SATB2: variants seen among roughly 807,000 people sequenced by gnomAD.
SATB2 encodes the protein SATB homeobox 2, also known as DNA-binding protein SATB2.
Under a neutral mutation model 73.4 loss-of-function variants are expected in SATB2, and 1 was observed. The ratio of observed to expected loss-of-function variants is 0.01; its 90% confidence interval spans 0.00 to 0.06. SATB2 has a LOEUF of 0.06. Ranked by LOEUF, SATB2 falls within the 10% of genes least tolerant of loss-of-function variation. SATB2 has a pLI of 1.00. For missense variants in SATB2, 459 were observed against 945.8 expected (o/e 0.49, Z 6.75); for synonymous variants, 397 against 367.0 (o/e 1.08, Z -0.93).
intron 3 of SATB2, among the ~76,000 whole-genome samples, chr2:199,405,118 T>C (rs916823710): frequency 5.3e-5 from 8 of 152,186 alleles, no homozygotes; most frequent in African/African-American, 1.9e-4. Context: ...ACTATATTCC[T>C]TTACCAGTAC....
intron 3 of SATB2, among the ~76,000 whole-genome samples, chr2:199,409,719 T>C (rs1243227126): frequency 6.6e-6 from 1 of 152,018 alleles, no homozygotes; most frequent in Non-Finnish European, 1.5e-5. Context: ...TTACAACAAA[T>C]GCCAAGTCTT....
At chr2:199,459,026 G>C (rs563380018), upstream of SATB2, among the ~76,000 whole-genome samples, 364 of 152,194 alleles carry the variant, frequency 2.4e-3, no homozygotes, top group Non-Finnish European at 3.1e-3. This position sits in a 1 kb window ranked among gnomAD's most constrained non-coding sequence, Gnocchi z 4.2. Flanking sequence ...GCAGAGCGGG[G>C]TGCATCCCTG....
chr2:199,383,591 G>C (rs544683133), intron 3 of SATB2, among the ~76,000 whole-genome samples: 1 of 152,148 alleles, frequency 6.6e-6, no homozygotes, highest in Non-Finnish European at 1.5e-5. Context: ...GACAGAATGG[G>C]GGGGAATGAA....
intron 6 of SATB2, among the ~76,000 whole-genome samples, chr2:199,356,225 C>CAAAAAAAAAAAAAAAAA (rs200509001): frequency 1.1e-4 from 11 of 100,968 alleles, no homozygotes; most frequent in South Asian, 4.1e-4. Flanking sequence ...GAACATAAGC[C>CAAAAAAAAAAAAAAAAA]AAAAAAAAAA....
intron 10 of SATB2, among the ~76,000 whole-genome samples, chr2:199,280,699 G>A (rs527404631): frequency 3.3e-5 from 5 of 152,148 alleles, no homozygotes; most frequent in South Asian, 4.2e-4. Flanking sequence ...GGAAATTCCC[G>A]CCTAATAAAT....
chr2:199,327,186 T>C (rs1688052752), intron 8 of SATB2, among the ~76,000 whole-genome samples: 1 of 152,194 alleles, frequency 6.6e-6, no homozygotes, highest in African/African-American at 2.4e-5. Context: ...ATGCCTGTAA[T>C]CCCAGCACTT....
intron 3 of SATB2, among the ~76,000 whole-genome samples, chr2:199,386,794 G>A (rs1689977429): frequency 6.7e-6 from 1 of 149,812 alleles, no homozygotes; most frequent in African/African-American, 2.5e-5. Flanking sequence ...GAACATAGTA[G>A]ATGCTAAATG....
At chr2:199,382,475 C>T (rs1029300930) in intron 3 of SATB2, among the ~76,000 whole-genome samples, 2 of 152,260 alleles carry the variant, frequency 1.3e-5, no homozygotes, top group South Asian at 2.1e-4. Context: ...GACAATAGTA[C>T]TTTTTCCCTG....
At chr2:199,276,335 C>A (rs1050302203) in intron 10 of SATB2, among the ~76,000 whole-genome samples, 1 of 152,196 alleles carries the variant, frequency 6.6e-6, no homozygotes, top group African/African-American at 2.4e-5. Context: ...TGAACTCTCA[C>A]TTAACTGATA....
intron 3 of SATB2, among the ~76,000 whole-genome samples, chr2:199,397,185 C>T (rs1033819454): frequency 7.2e-5 from 11 of 152,270 alleles, no homozygotes; most frequent in African/African-American, 2.6e-4. Flanking sequence ...AGATACGCTA[C>T]ACAGAAATAT....
At chr2:199,304,227 T>C (rs1328920332) in intron 10 of SATB2, among the ~76,000 whole-genome samples, 1 of 152,204 alleles carries the variant, frequency 6.6e-6, no homozygotes, top group Non-Finnish European at 1.5e-5. Context: ...CAGTGTTTTA[T>C]TCTAAGCTGA....
At position 199,271,236 on chromosome 2, in the gene SATB2, A is replaced by G. The variant is rs1316893610; in HGVS notation, c.*975T>C. ...CTCATACTATGAATTCCATATGTCC[A>G]ATGTCAAAATGTCATTTGATCAAGA... is the stretch of plus-strand genomic sequence containing the variant. On this transcript the variant is annotated 3_prime_UTR_variant, in exon 11 of 11. Transcript: ENST00000417098. The G allele has an allele frequency of 6.5e-6, 1 of 152,822 alleles. No individual in the cohort carries two copies. Among genetic ancestry groups the G allele is most frequent in the African/African-American group, 2.4e-5 (1 of 41,472 alleles). 9.5% of individuals were successfully genotyped at this position (152,822 alleles called of 1,614,324 possible).
chr2:199,369,427 T>C (rs1287656976), intron 5 of SATB2, among the ~76,000 whole-genome samples: 1 of 152,142 alleles, frequency 6.6e-6, no homozygotes, highest in Non-Finnish European at 1.5e-5. Flanking sequence ...GACATAGCAC[T>C]GAAAAGTTAA....
intron 2 of SATB2, among the ~76,000 whole-genome samples, chr2:199,440,995 T>C (rs1338169503): frequency 1.3e-5 from 2 of 152,038 alleles, no homozygotes; most frequent in Non-Finnish European, 1.5e-5. Context: ...ATTATAGGCA[T>C]GTGCCACCGT....
chr2:199,294,906 ACT>A (rs1394611455), intron 10 of SATB2, among the ~76,000 whole-genome samples: 2 of 152,092 alleles, frequency 1.3e-5, no homozygotes. Context: ...AAAAAAATTG[ACT>A]CTTAATTTTT....
intron 3 of SATB2, among the ~76,000 whole-genome samples, chr2:199,413,502 T>C (rs1690882364): frequency 6.6e-6 from 1 of 152,070 alleles, no homozygotes; most frequent in South Asian, 2.1e-4. Flanking sequence ...TGATTTCCCA[T>C]GATAGATTCA....
chr2:199,380,789 T>C (rs1310416599), intron 4 of SATB2, among the ~76,000 whole-genome samples: 2 of 152,238 alleles, frequency 1.3e-5, no homozygotes, highest in African/African-American at 4.8e-5. Flanking sequence ...CATGGCAGTG[T>C]GGTTATAAAC....
At chr2:199,466,192 T>A (rs1172405371), upstream of SATB2, among the ~76,000 whole-genome samples, 4 of 152,174 alleles carry the variant, frequency 2.6e-5, no homozygotes. Context: ...TCGCGCATTC[T>A]TCCCAGAGCT....
intron 3 of SATB2, among the ~76,000 whole-genome samples, chr2:199,389,396 CTTACA>C (rs1690058635): frequency 6.6e-6 from 1 of 151,384 alleles, no homozygotes; most frequent in African/African-American, 2.5e-5. Context: ...TTTGAGTCAT[CTTACA>C]TTATTCAAGT....
Sources: gnomAD v4.1 joint callset for allele counts (sites outside exome capture counted in the v4.1 genomes callset) on GRCh38, gnomAD v4.1.1 for gene constraint, Gnocchi (gnomAD v3.1) non-coding constraint, MANE v1.5 for transcripts, NCBI Gene and HGNC (gene_info 2026-07-23, HGNC 2026-07-21) for gene names.